The following EXOC4 variants were observed in gnomAD, a reference collection of about 807,000 sequenced individuals.
The protein encoded by EXOC4 is exocyst complex component 4, also known as SEC8-like 1.
EXOC4 carries 71 observed loss-of-function variants against 107.2 expected under a neutral mutation model. The ratio of observed to expected loss-of-function variants is 0.66; its 90% CI spans 0.55 to 0.81. The LOEUF is 0.81. EXOC4 is among the 30% of genes least tolerant of loss of function. The pLI is 0.00. For synonymous variants in EXOC4, 456 were observed against 441.2 expected, an observed-to-expected ratio of 1.03 and a Z score of -0.42; for missense variants, 1,108 against 1,189.6, an observed-to-expected ratio of 0.93 and a Z score of 1.01.
chr7:133,676,722 T>G (rs1220508868), intron 10 of EXOC4, among the ~76,000 whole-genome samples: 1 of 152,118 alleles, frequency 6.6e-6, no homozygotes, highest in Non-Finnish European at 1.5e-5. Context: ...ATAAATTAAT[T>G]AATAGGATAT....
intron 10 of EXOC4, chr7:133,768,118 A>G (rs1338514776): frequency 6.6e-6 from 1 of 152,018 alleles, no homozygotes; most frequent in Non-Finnish European, 1.5e-5. Context: ...CTGCAAGACT[A>G]TCAAGGACTA....
chr7:133,266,624 G>A (rs1236881128), intron 1 of EXOC4, among the ~76,000 whole-genome samples: 1 of 152,120 alleles, frequency 6.6e-6, no homozygotes, highest in African/African-American at 2.4e-5. Flanking sequence ...TGAAATTCTA[G>A]ACTTAAATTA....
chr7:133,967,900 CGTT>C (rs1170235439), intron 14 of EXOC4, among the ~76,000 whole-genome samples: 2 of 152,070 alleles, frequency 1.3e-5, no homozygotes, highest in African/African-American at 4.8e-5. Flanking sequence ...TATTCTGTCT[CGTT>C]GATCTGTCTG....
chr7:134,043,235 G>A (rs1445107793), intron 17 of EXOC4, among the ~76,000 whole-genome samples: 1 of 152,156 alleles, frequency 6.6e-6, no homozygotes, highest in African/African-American at 2.4e-5. Flanking sequence ...GACTGGAATA[G>A]ATGCCTCAGA....
At chr7:133,493,511 C>T (rs905260293) in intron 9 of EXOC4, among the ~76,000 whole-genome samples, 5 of 152,078 alleles carry the variant, frequency 3.3e-5, no homozygotes, top group African/African-American at 1.2e-4. Context: ...TTATTTTACC[C>T]GTAACCTGTA....
At chr7:133,675,930 T>C (rs962411369) in intron 10 of EXOC4, among the ~76,000 whole-genome samples, 56 of 152,100 alleles carry the variant, frequency 3.7e-4, no homozygotes, top group African/African-American at 1.3e-3. Context: ...CTCAGGCAAA[T>C]TGTTAGTTTC....
At chr7:133,915,730 C>A (rs1194337509) in intron 12 of EXOC4, among the ~76,000 whole-genome samples, 1 of 151,780 alleles carries the variant, frequency 6.6e-6, no homozygotes, top group East Asian at 1.9e-4. Flanking sequence ...ATAAATATTA[C>A]AGAAAAGATG....
At chr7:133,834,363 G>T (rs1797873359) in intron 11 of EXOC4, among the ~76,000 whole-genome samples, 1 of 151,998 alleles carries the variant, frequency 6.6e-6, no homozygotes, top group African/African-American at 2.4e-5. Context: ...CCTTTTAAGT[G>T]CCCACCTTAT....
intron 9 of EXOC4, among the ~76,000 whole-genome samples, chr7:133,521,156 CACTT>C (rs2150910278): frequency 6.6e-6 from 1 of 152,216 alleles, no homozygotes; most frequent in Admixed American, 6.5e-5. Context: ...GTATCGAATA[CACTT>C]ACTTTATTTT....
intron 9 of EXOC4, among the ~76,000 whole-genome samples, chr7:133,594,535 A>G (rs1229351993): frequency 8.9e-6 from 1 of 112,472 alleles, no homozygotes; most frequent in Non-Finnish European, 1.6e-5. Flanking sequence ...TCGCTCTTTC[A>G]CCAGGCTGGA....
At chr7:133,420,493 A>G (rs1797579503) in intron 7 of EXOC4, among the ~76,000 whole-genome samples, 1 of 152,106 alleles carries the variant, frequency 6.6e-6, no homozygotes, top group East Asian at 1.9e-4. Flanking sequence ...GGGTTCTGCT[A>G]GCTTCAGAGT....
chr7:133,794,165 T>A (rs772050874), intron 10 of EXOC4, among the ~76,000 whole-genome samples: 1 of 152,214 alleles, frequency 6.6e-6, no homozygotes, highest in Non-Finnish European at 1.5e-5. Context: ...TGGTACCCTT[T>A]CCAGTTACTA....
At chr7:133,629,263 G>A (rs1055039351) in intron 9 of EXOC4, among the ~76,000 whole-genome samples, 1 of 151,926 alleles carries the variant, frequency 6.6e-6, no homozygotes, top group African/African-American at 2.4e-5. Flanking sequence ...AATCATTGGG[G>A]TCTTAGATAT....
chr7:134,098,301 G>T, the EXOC4 span, among the ~76,000 whole-genome samples: 1 of 152,116 alleles, frequency 6.6e-6, no homozygotes, highest in Admixed American at 6.6e-5. Context: ...ACATCAGAAA[G>T]GTCCTTACCC....
At chr7:133,883,320 CTTTTTTT>C (rs61066187) in intron 11 of EXOC4, among the ~76,000 whole-genome samples, 2 of 132,290 alleles carry the variant, frequency 1.5e-5, no homozygotes, top group Non-Finnish European at 3.3e-5. Context: ...ATGAGAATTG[CTTTTTTT>C]TTTTTTTTTG....
chr7:133,989,927 A>G (rs1041667011), intron 14 of EXOC4, among the ~76,000 whole-genome samples: 2 of 152,216 alleles, frequency 1.3e-5, no homozygotes, highest in African/African-American at 4.8e-5. Context: ...GACAAGTGGT[A>G]CCGCAAGCTT....
At chr7:133,742,859 G>A (rs1009993501) in intron 10 of EXOC4, among the ~76,000 whole-genome samples, 1 of 152,042 alleles carries the variant, frequency 6.6e-6, no homozygotes, top group African/African-American at 2.4e-5. Flanking sequence ...TTAAAAATAC[G>A]GGAAACATAT....
chr7:133,403,124 C>CGTGG (rs1456890784), intron 7 of EXOC4, among the ~76,000 whole-genome samples: 28 of 152,010 alleles, frequency 1.8e-4, no homozygotes, highest in Non-Finnish European at 3.5e-4. Flanking sequence ...ACCTCGTGAT[C>CGTGG]CACCCGCCTC....
chr7:133,640,682 G>A (rs1802832352), intron 10 of EXOC4, among the ~76,000 whole-genome samples: 2 of 152,186 alleles, frequency 1.3e-5, no homozygotes, highest in African/African-American at 2.4e-5. Context: ...GGTAGTAAAA[G>A]CTAGCGGAGC....
Sources: allele counts gnomAD v4.1 joint callset (sites outside exome capture counted in the v4.1 genomes callset), GRCh38; gene constraint gnomAD v4.1.1; transcripts MANE v1.5; gene names NCBI Gene and HGNC (gene_info 2026-07-23, HGNC 2026-07-21).